The following PIEZO2 variants were observed in gnomAD, a reference collection of about 807,000 sequenced individuals.
The protein encoded by PIEZO2 is piezo type mechanosensitive ion channel component 2.
In PIEZO2, 172 loss-of-function variants were observed where a neutral mutation model predicts 337.3. The ratio of observed to expected loss-of-function variants is 0.51; its 90% CI spans 0.45 to 0.58. The LOEUF is 0.58. Ranked by LOEUF, PIEZO2 falls within the 20% of genes least tolerant of loss-of-function variation. The pLI is 0.00. For synonymous variants in PIEZO2, 1,251 were observed against 1,228.5 expected (o/e 1.02, Z -0.38); for missense variants, 3,028 against 3,391.3 (o/e 0.89, Z 2.66).
At chr18:11,026,046 TC>T (rs1293539243) in intron 2 of PIEZO2, among the ~76,000 whole-genome samples, 1 of 152,100 alleles carries the variant, frequency 6.6e-6, no homozygotes, top group African/African-American at 2.4e-5. Flanking sequence ...GAAGCGAAGA[TC>T]ATCCCTGAAC....
chr18:10,691,288 G>A lies in PIEZO2; in HGVS notation c.7286C>T (p.Thr2429Met), dbSNP rs138499457. 66 of 1,614,070 alleles carry A rather than the reference G, an allele frequency of 4.1e-5. No homozygotes were observed. The African/African-American group carries it at 4.9e-4, about 12-fold the overall frequency. ...SAYQIRCGYPTRVLGNFLTKS... is the reference protein window; with the variant it reads ...SAYQIRCGYPMRVLGNFLTKS... ...GGTGAGGAAGTTCCCCAGGACTCGC[G>A]TTGGGTAGCCACAACGGATCTGGTA... The change falls in exon 48 of 56, where the codon ACG becomes ATG. Residue 2429 changes from threonine to methionine, a missense_variant. By Grantham distance (81) the Thr-to-Met change is moderately conservative. Transcript: ENST00000674853.
intron 36 of PIEZO2, among the ~76,000 whole-genome samples, chr18:10,730,062 G>A (rs2036703201): frequency 6.6e-6 from 1 of 152,198 alleles, no homozygotes; most frequent in East Asian, 1.9e-4. Context: ...AATGCTCTTA[G>A]ACATGTGTGT....
chr18:10,715,690 A>G lies in PIEZO2; in HGVS notation c.5216T>C (p.Leu1739Pro). ...SREHIDISTV[L>P]RIERCMLTRE... ...GGTCAGCATGCATCGTTCAATTCTC[A>G]GAACTGTAGATATATCAATATGCTC... Residue 1739 changes from leucine to proline, a missense_variant, in exon 38 of 56, where the codon CTG (leucine) becomes CCG (proline). Physicochemically the swap from Leu to Pro is moderately conservative, Grantham distance 98. This residue lies in a region of PIEZO2 where 1,925 missense variants were observed against 2,051.9 expected (regional missense o/e 0.94). Coordinates refer to ENST00000674853, the MANE Select transcript of PIEZO2 (RefSeq NM_001378183.1). The G allele has an allele frequency of 6.5e-7, 1 of 1,536,090 alleles. No homozygotes were observed. Among genetic ancestry groups the G allele is most frequent in the Non-Finnish European group, 8.7e-7 (1 of 1,146,354 alleles).
intron 1 of PIEZO2, among the ~76,000 whole-genome samples, chr18:11,137,518 G>A (rs1445931229): frequency 4.6e-5 from 7 of 152,188 alleles, no homozygotes; most frequent in Non-Finnish European, 7.3e-5. Context: ...TGGCAAAGTC[G>A]CATAGCTCGT....
intron 2 of PIEZO2, among the ~76,000 whole-genome samples, chr18:11,034,705 G>C (rs2036862589): frequency 6.6e-6 from 1 of 152,118 alleles, no homozygotes; most frequent in African/African-American, 2.4e-5. Flanking sequence ...CTCTCCCAGA[G>C]GCTGGGTGCT....
At position 10,727,928 on chromosome 18, in the gene PIEZO2, G is replaced by A. The variant is rs482103; in HGVS notation, c.5029+3479C>T. 0.33 allele frequency: 49,064 copies of A among 150,048 alleles called. 8,832 individuals are homozygous for A. The highest frequency in any genetic ancestry group is 0.54 in the East Asian group (2,772 of 5,112). 9.3% of individuals were successfully genotyped at this position (150,048 alleles called of 1,614,324 possible). A position where few individuals can be genotyped will look rare whatever the true frequency, so the allele number is the denominator to read the frequency against. The stretch of plus-strand genomic sequence containing the variant: ...CCTCACTGAGCTCCCAGTCCAGAGG[G>A]AAGCCAGACAATTAAAACAGTAATA... On this transcript the variant is annotated intron_variant, in intron 36 of 55. Transcript: ENST00000674853. This position sits in a 1 kb window ranked among gnomAD's most constrained non-coding sequence, Gnocchi z 6.3.
chr18:11,020,924 C>T (rs76199631), intron 2 of PIEZO2, among the ~76,000 whole-genome samples: 3,115 of 152,306 alleles, frequency 0.02, 108 homozygotes, highest in African/African-American at 0.071. Flanking sequence ...AAGTAAACAA[C>T]CCCTCTCCCC....
intron 3 of PIEZO2, among the ~76,000 whole-genome samples, chr18:10,963,176 T>C (rs1455081177): frequency 1.3e-5 from 2 of 151,984 alleles, no homozygotes; most frequent in Non-Finnish European, 2.9e-5. Flanking sequence ...TTCCAGCTAC[T>C]TGGGAGGCTG....
intron 2 of PIEZO2, among the ~76,000 whole-genome samples, chr18:11,014,657 C>T (rs2036034859): frequency 6.6e-6 from 1 of 150,664 alleles, no homozygotes; most frequent in South Asian, 2.1e-4. Flanking sequence ...CCATGACCCC[C>T]TCATTCCTCA....
intron 4 of PIEZO2, among the ~76,000 whole-genome samples, chr18:10,898,215 A>G (rs758256202): frequency 5.9e-5 from 9 of 152,144 alleles, no homozygotes; most frequent in Non-Finnish European, 1.2e-4. Flanking sequence ...TGTATATGAG[A>G]TCGAGACCAT....
rs562003339 is a variant in PIEZO2 at position 10,797,160 on chromosome 18, A to T, written c.1527+214T>A. Among the ~76,000 whole-genome samples the T allele has an allele frequency of 1.7e-4, 26 of 151,930 alleles. 1 individual carries two copies. The highest frequency in any genetic ancestry group is 6.3e-4 in the African/African-American group (26 of 41,422). ...CACATACCATCATATCATATTATAC[A>T]TATCATCATATTATACCTACCATCA... On this transcript the variant is annotated intron_variant, in intron 12 of 55. Transcript: ENST00000674853.
chr18:10,742,160 CAA>C lies in PIEZO2; in HGVS notation c.4636+332_4636+333del, dbSNP rs57097035. 0.017 allele frequency among the ~76,000 whole-genome samples: 2,531 copies of C among 152,100 alleles called. 65 individuals are homozygous for C. Among genetic ancestry groups the C allele is most frequent in the African/African-American group, 0.058 (2,419 of 41,486 alleles). The stretch of plus-strand genomic sequence containing the variant: ...ACAGAGCGAGACTCCGTCTCAAAAA[CAA>C]AACAAAACAAAACCAAAAAAGAAAC... On this transcript the variant is annotated intron_variant, in intron 32 of 55. Coordinates refer to ENST00000674853, the MANE Select transcript of PIEZO2 (RefSeq NM_001378183.1).
At chr18:11,050,738 T>C (rs2037493431) in intron 2 of PIEZO2, among the ~76,000 whole-genome samples, 2 of 151,604 alleles carry the variant, frequency 1.3e-5, no homozygotes, top group African/African-American at 4.9e-5. Context: ...AGCCCCTCCC[T>C]TCCTACCCCT....
intron 4 of PIEZO2, among the ~76,000 whole-genome samples, chr18:10,886,227 AGT>A (rs1284043646): frequency 6.9e-6 from 1 of 144,524 alleles, no homozygotes; most frequent in East Asian, 2.1e-4. Context: ...AGACAACTGC[AGT>A]GTGTGTGCAG....
chr18:10,887,318 C>A (rs2042635899), intron 4 of PIEZO2, among the ~76,000 whole-genome samples: 1 of 151,906 alleles, frequency 6.6e-6, no homozygotes, highest in Non-Finnish European at 1.5e-5. Flanking sequence ...ATCCGCCCAC[C>A]TCAGCCTCCC....
At chr18:11,074,578 C>T (rs17106) in intron 1 of PIEZO2, among the ~76,000 whole-genome samples, 21,500 of 152,144 alleles carry the variant, frequency 0.14, 1,748 homozygotes, top group Non-Finnish European at 0.19. Flanking sequence ...CCATGTGAAT[C>T]GTAAACACTT....
chr18:11,116,586 G>T lies in PIEZO2; in HGVS notation c.64+31939C>A, dbSNP rs186901178. On this transcript the variant is annotated intron_variant, in intron 1 of 55. Coordinates refer to ENST00000674853, the MANE Select transcript of PIEZO2 (RefSeq NM_001378183.1). The surrounding 1 kb of genome is among the most constrained non-coding windows in gnomAD (Gnocchi z 5.0). Reference sequence around the variant, plus strand: ...AAAAATTAGCCGGGCGTGGTGGCGGGGGGCCTGTAGTCCCAGCTACTCGGG... The same window carrying T: ...AAAAATTAGCCGGGCGTGGTGGCGGTGGGCCTGTAGTCCCAGCTACTCGGG... Among the ~76,000 whole-genome samples, 5 of 152,032 alleles carry T rather than the reference G, an allele frequency of 3.3e-5. No homozygotes were observed. Among genetic ancestry groups the T allele is most frequent in the Non-Finnish European group, 4.4e-5 (3 of 67,998 alleles).
At chr18:10,939,422 T>C (rs1487490184) in intron 3 of PIEZO2, among the ~76,000 whole-genome samples, 1 of 148,702 alleles carries the variant, frequency 6.7e-6, no homozygotes, top group Non-Finnish European at 1.5e-5. Context: ...ACTGGGTATA[T>C]ACCCAAAGGA....
At chr18:10,757,726 T>A (rs1404771879) in intron 27 of PIEZO2, among the ~76,000 whole-genome samples, 1 of 151,784 alleles carries the variant, frequency 6.6e-6, no homozygotes, top group Non-Finnish European at 1.5e-5. Flanking sequence ...AGTTTTGGTA[T>A]GAAGAAGAGG....
Sources: allele counts gnomAD v4.1 joint callset (sites outside exome capture counted in the v4.1 genomes callset), GRCh38; gene constraint gnomAD v4.1.1; regional missense constraint gnomAD v4.1.1; non-coding constraint Gnocchi (gnomAD v3.1); transcripts MANE v1.5; gene names NCBI Gene and HGNC (gene_info 2026-07-23, HGNC 2026-07-21).